ASIC2: variants seen among roughly 807,000 people sequenced by gnomAD.
The protein encoded by ASIC2 is acid sensing ion channel subunit 2.
A neutral mutation model predicts 57.3 loss-of-function variants in ASIC2; 25 were observed. The ratio of observed to expected loss-of-function variants is 0.44; its 90% CI spans 0.32 to 0.61. The LOEUF (loss-of-function observed/expected upper bound fraction) is 0.61. Ranked by LOEUF, ASIC2 falls within the 20% of genes least tolerant of loss-of-function variation. ASIC2 has a pLI of 0.06. For synonymous variants in ASIC2, 319 were observed against 307.5 expected, an observed-to-expected ratio of 1.04 and a Z score of -0.39; for missense variants, 641 against 738.1, an observed-to-expected ratio of 0.87 and a Z score of 1.52.
intron 1 of ASIC2, among the ~76,000 whole-genome samples, chr17:33,175,680 G>A (rs1905724691): frequency 6.6e-6 from 1 of 152,044 alleles, no homozygotes; most frequent in South Asian, 2.1e-4. Flanking sequence ...CATTCATCAA[G>A]TCCAGCGGCT....
chr17:33,223,638 A>C (rs1214666143), intron 1 of ASIC2, among the ~76,000 whole-genome samples: 1 of 152,262 alleles, frequency 6.6e-6, no homozygotes, highest in Non-Finnish European at 1.5e-5. Flanking sequence ...TGACTGGCGC[A>C]TTTAAATATT....
Position 33,719,138 on chromosome 17 carries a change from C to A in ASIC2, c.555+436840G>T, listed in dbSNP as rs138694317. Among the ~76,000 whole-genome samples the A allele has an allele frequency of 2.6e-3, 392 of 152,254 alleles. 3 individuals are homozygous for A. Among genetic ancestry groups the A allele is most frequent in the African/African-American group, 8.9e-3 (369 of 41,572 alleles). On this transcript the variant is annotated intron_variant, in intron 1 of 9. Transcript: ENST00000359872. ...CCTTAATTTTCACACAGTATTGCCA[C>A]CAGAGAGGAAATCAGACCCTTGTCT...
intron 1 of ASIC2, among the ~76,000 whole-genome samples, chr17:33,433,951 G>A (rs900999742): frequency 6.6e-6 from 1 of 151,640 alleles, no homozygotes; most frequent in Non-Finnish European, 1.5e-5. Flanking sequence ...GGGGCACAGA[G>A]AAACAATAGG....
At chr17:33,620,914 C>T (rs1330668487) in intron 1 of ASIC2, among the ~76,000 whole-genome samples, 1 of 152,068 alleles carries the variant, frequency 6.6e-6, no homozygotes, top group African/African-American at 2.4e-5. Flanking sequence ...TCTGAGCCCG[C>T]CCCCTTCCAC....
At chr17:33,765,343 C>T (rs558532597) in intron 1 of ASIC2, among the ~76,000 whole-genome samples, 5 of 152,208 alleles carry the variant, frequency 3.3e-5, no homozygotes, top group South Asian at 2.1e-4. Context: ...CTCCTGACCT[C>T]GTGATCCACC....
intron 1 of ASIC2, among the ~76,000 whole-genome samples, chr17:33,686,272 A>G (rs555149245): frequency 1.2e-4 from 19 of 152,164 alleles, no homozygotes; most frequent in African/African-American, 4.6e-4. Context: ...ATAAAATCAC[A>G]CTGTATTGGG....
At position 33,819,156 on chromosome 17, in the gene ASIC2, C is replaced by T. The variant is rs566743532; in HGVS notation, c.555+336822G>A. 2.0e-5 allele frequency among the ~76,000 whole-genome samples: 3 copies of T among 152,368 alleles called. No individual in the cohort carries two copies. In the South Asian group the frequency reaches 6.2e-4, roughly 32 times the overall value. On this transcript the variant is annotated intron_variant, in intron 1 of 9. Coordinates refer to the ASIC2 transcript ENST00000359872. ...CTTCACAGAGCTGGTAAGTATGCCTCTCAGCTCCAGGAAGGATGGAGGCTG... is the reference window on the plus strand; with the variant it reads ...CTTCACAGAGCTGGTAAGTATGCCTTTCAGCTCCAGGAAGGATGGAGGCTG...
intron 1 of ASIC2, among the ~76,000 whole-genome samples, chr17:33,450,605 T>C (rs1912209876): frequency 6.6e-6 from 1 of 152,240 alleles, no homozygotes. Flanking sequence ...AATATGAGTG[T>C]ACTTAATACT....
chr17:33,231,360 G>A lies in ASIC2; in HGVS notation c.708+60048C>T, dbSNP rs1015515081. On this transcript the variant is annotated intron_variant, in intron 1 of 9. Coordinates refer to ENST00000225823, the MANE Select transcript of ASIC2 (RefSeq NM_183377.2). ...CCAGATTGCGGGTACCTGGAGTCTG[G>A]TCTGGGGAAGGGGGAATGCTCATGG... Among the ~76,000 whole-genome samples, 7 of 152,318 alleles carry A rather than the reference G, an allele frequency of 4.6e-5. No individual in the cohort carries two copies. The East Asian group carries it at 5.8e-4, about 13-fold the overall frequency.
chr17:33,799,438 C>CTTTCTTA (rs1567719084), intron 1 of ASIC2, among the ~76,000 whole-genome samples: 39 of 46,094 alleles, frequency 8.5e-4, no homozygotes, highest in African/African-American at 2.7e-3. Context: ...TTCTTTCTTT[C>CTTTCTTA]TTTCTTTCTT....
chr17:33,464,457 C>CTT (rs1206866154), intron 1 of ASIC2, among the ~76,000 whole-genome samples: 5 of 85,850 alleles, frequency 5.8e-5, no homozygotes, highest in African/African-American at 2.0e-4. Flanking sequence ...GCCTCTTTTT[C>CTT]TCTTTCTTTC....
At chr17:33,750,080 A>G (rs1046686204) in intron 1 of ASIC2, among the ~76,000 whole-genome samples, 2 of 152,006 alleles carry the variant, frequency 1.3e-5, no homozygotes, top group Non-Finnish European at 1.5e-5. Flanking sequence ...TGTCCATTGC[A>G]TATCTATTCT....
At chr17:33,970,240 C>G (rs1431872136) in intron 1 of ASIC2, among the ~76,000 whole-genome samples, 1 of 152,136 alleles carries the variant, frequency 6.6e-6, no homozygotes, top group Non-Finnish European at 1.5e-5. Flanking sequence ...ATCAAATGTC[C>G]CCTGGGTGGC....
chr17:33,635,012 C>T (rs1906309862), intron 1 of ASIC2: 1 of 152,156 alleles, frequency 6.6e-6, no homozygotes, highest in African/African-American at 2.4e-5. Flanking sequence ...CCAAGTCACA[C>T]ATTTCTGTAA....
At chr17:33,241,551 C>A (rs1385818492) in intron 1 of ASIC2, among the ~76,000 whole-genome samples, 4 of 152,184 alleles carry the variant, frequency 2.6e-5, no homozygotes, top group African/African-American at 7.2e-5. Flanking sequence ...CTCATAGAGA[C>A]CTTATTAGTC....
rs534818090 is a variant in ASIC2, at chr17:34,005,965, G to C, written c.555+150013C>G. ...TGCTTTCCACATATGCGTATGCCAT[G>C]CACTGTGTTAGGCACCGGATCCATT... On this transcript the variant is annotated intron_variant, in intron 1 of 9. Coordinates refer to the ASIC2 transcript ENST00000359872. 3.3e-5 allele frequency: 5 copies of C among 152,354 alleles called. No individual in the cohort carries two copies. In the East Asian group the frequency reaches 9.6e-4, roughly 29 times the overall value. 9.4% of individuals were successfully genotyped at this position (152,354 alleles called of 1,614,324 possible). A position where few individuals can be genotyped will look rare whatever the true frequency, so the allele number is the denominator to read the frequency against.
intron 1 of ASIC2, among the ~76,000 whole-genome samples, chr17:33,536,663 C>T (rs1412609631): frequency 2.0e-5 from 3 of 152,190 alleles, no homozygotes; most frequent in East Asian, 1.9e-4. Context: ...CTGTAATTTT[C>T]TGCTCTTTCC....
At chr17:33,337,767 C>A (rs1219311919) in intron 1 of ASIC2, among the ~76,000 whole-genome samples, 1 of 146,796 alleles carries the variant, frequency 6.8e-6, no homozygotes, top group Non-Finnish European at 1.5e-5. Flanking sequence ...TGTAAGTGTT[C>A]CTTCTGAGGT....
chr17:33,797,028 T>C (rs1911938554), intron 1 of ASIC2, among the ~76,000 whole-genome samples: 1 of 152,192 alleles, frequency 6.6e-6, no homozygotes, highest in Non-Finnish European at 1.5e-5. Context: ...ACATGTTCAG[T>C]GCATGTTATG....
Sources: allele counts gnomAD v4.1 joint callset (sites outside exome capture counted in the v4.1 genomes callset), GRCh38; gene constraint gnomAD v4.1.1; transcripts MANE v1.5; gene names NCBI Gene and HGNC (gene_info 2026-07-23, HGNC 2026-07-21).